Variants in LPAR1 observed in about 807,000 individuals in gnomAD.
LPAR1 encodes the protein lysophosphatidic acid receptor 1.
In LPAR1, 5 loss-of-function variants were observed where a neutral mutation model predicts 23.8. The ratio of observed to expected loss-of-function variants is 0.21; its 90% CI spans 0.11 to 0.44. The LOEUF is 0.44. LPAR1 is among the 20% of genes least tolerant of loss of function. The pLI is 0.99. For missense variants in LPAR1, 311 were observed against 482.8 expected, an observed-to-expected ratio of 0.64 and a Z score of 3.33; for synonymous variants, 160 against 164.7, an observed-to-expected ratio of 0.97 and a Z score of 0.22.
intron 5 of LPAR1, among the ~76,000 whole-genome samples, chr9:110,925,363 A>G (rs1036338092): frequency 4.6e-5 from 7 of 151,948 alleles, no homozygotes; most frequent in African/African-American, 1.7e-4. Context: ...ACCACTTATC[A>G]TTGCTCCCAT....
chr9:110,895,385 C>T (rs1242011117), intron 5 of LPAR1, among the ~76,000 whole-genome samples: 1 of 152,200 alleles, frequency 6.6e-6, no homozygotes, highest in Non-Finnish European at 1.5e-5. Context: ...GGGGCAGACA[C>T]TGGGGCCTGG....
At chr9:110,935,402 C>T (rs529681701) in intron 5 of LPAR1, among the ~76,000 whole-genome samples, 35 of 126,082 alleles carry the variant, frequency 2.8e-4, no homozygotes, top group African/African-American at 1.1e-3. Context: ...AAATCTGGAC[C>T]GACTCCAGCC....
In LPAR1 at chr9:110,907,805, G is replaced by C. The variant is rs537371615; in HGVS notation, c.794-32083C>G. 2.6e-4 allele frequency among the ~76,000 whole-genome samples: 40 copies of C among 152,166 alleles called. No individual in the cohort carries two copies. The South Asian group carries it at 7.9e-3, about 30-fold the overall frequency. The stretch of plus-strand genomic sequence containing the variant: ...AAACAGAAAAAGCAGGAACTACAGA[G>C]AGCATAAGGATGGTAAGGATGGCTT... On this transcript the variant is annotated intron_variant, in intron 5 of 5. Transcript: ENST00000683809.
chr9:110,877,982 C>A (rs759729850), intron 5 of LPAR1, among the ~76,000 whole-genome samples: 1 of 152,150 alleles, frequency 6.6e-6, no homozygotes, highest in African/African-American at 2.4e-5. Context: ...ATAAGCCTTA[C>A]TTTTAGACCA....
At chr9:111,024,710 C>T (rs1186189008) in intron 2 of LPAR1, among the ~76,000 whole-genome samples, 5 of 151,742 alleles carry the variant, frequency 3.3e-5, no homozygotes, top group African/African-American at 1.2e-4. Flanking sequence ...TGTCCCCCAC[C>T]CCCCAACAGG....
chr9:111,029,600 C>G (rs1040354527), intron 2 of LPAR1, among the ~76,000 whole-genome samples: 1 of 152,054 alleles, frequency 6.6e-6, no homozygotes, highest in Non-Finnish European at 1.5e-5. Flanking sequence ...GCTGACTTAC[C>G]CTCTCCATCC....
intron 5 of LPAR1, among the ~76,000 whole-genome samples, chr9:110,910,932 A>T (rs1369065157): frequency 6.6e-6 from 1 of 152,214 alleles, no homozygotes; most frequent in African/African-American, 2.4e-5. Context: ...TGGTCTCTGG[A>T]GATAGAATAT....
At chr9:110,935,650 G>A (rs761315882) in intron 5 of LPAR1, among the ~76,000 whole-genome samples, 11 of 152,162 alleles carry the variant, frequency 7.2e-5, no homozygotes, top group Non-Finnish European at 1.3e-4. Context: ...CAAACAGAGA[G>A]CAGAGCCTTG....
chr9:110,875,388 G>C lies in LPAR1; in HGVS notation c.*33C>G. The C allele has an allele frequency of 6.3e-7, 1 of 1,575,276 alleles. No homozygotes were observed. Among genetic ancestry groups the C allele is most frequent in the Admixed American group, 1.8e-5 (1 of 56,506 alleles). ...GGGGGAGGCTGTTTATCCTCCAAGA[G>C]AGGACGGCTGGTTCCTCATCTCAGT... On this transcript the variant is annotated 3_prime_UTR_variant, in exon 6 of 6. Transcript: ENST00000683809.
rs147832108 is a variant in LPAR1, at chr9:110,993,156, G to C, written c.-181-19598C>G. On this transcript the variant is annotated intron_variant, in intron 2 of 5. Transcript: ENST00000683809. ...TTTTTTTAATATACTTTAAGTTCTA[G>C]GGTACATGTGCACCACGTGCAGGTT... Among the ~76,000 whole-genome samples the C allele has an allele frequency of 5.4e-3, 826 of 152,066 alleles. 12 individuals are homozygous for C. Among genetic ancestry groups the C allele is most frequent in the African/African-American group, 0.019 (785 of 41,470 alleles).
At chr9:110,990,196 GA>G (rs1357820439) in intron 2 of LPAR1, among the ~76,000 whole-genome samples, 6 of 152,124 alleles carry the variant, frequency 3.9e-5, no homozygotes, top group African/African-American at 1.4e-4. Flanking sequence ...TGACAGAACA[GA>G]AAAAATCAGT....
At chr9:110,890,543 G>A (rs1231059534) in intron 5 of LPAR1, among the ~76,000 whole-genome samples, 9 of 152,198 alleles carry the variant, frequency 5.9e-5, no homozygotes, top group African/African-American at 1.7e-4. Flanking sequence ...CTTTGGGGAT[G>A]AAAAGCTTCT....
At chr9:110,888,729 G>A (rs1208564118) in intron 5 of LPAR1, among the ~76,000 whole-genome samples, 3 of 152,142 alleles carry the variant, frequency 2.0e-5, no homozygotes, top group Non-Finnish European at 2.9e-5. Flanking sequence ...AGAAACTCAC[G>A]CAGTAAATCA....
At chr9:110,956,046 A>T (rs1157905568) in intron 4 of LPAR1, among the ~76,000 whole-genome samples, 3 of 152,176 alleles carry the variant, frequency 2.0e-5, no homozygotes, top group African/African-American at 7.2e-5. Context: ...AAAATAATAA[A>T]GATTAGGGCA....
intron 4 of LPAR1, among the ~76,000 whole-genome samples, chr9:110,960,195 A>T (rs1247786342): frequency 1.3e-5 from 2 of 152,194 alleles, no homozygotes; most frequent in East Asian, 3.8e-4. Flanking sequence ...GAACACATGG[A>T]TGTGTTCCCA....
chr9:110,986,476 C>A (rs753763085), intron 2 of LPAR1, among the ~76,000 whole-genome samples: 1 of 151,652 alleles, frequency 6.6e-6, no homozygotes, highest in Non-Finnish European at 1.5e-5. Flanking sequence ...AGGCCAAGGC[C>A]GGAGGATTGC....
At chr9:110,922,248 G>A (rs1035517328) in intron 5 of LPAR1, among the ~76,000 whole-genome samples, 1 of 152,092 alleles carries the variant, frequency 6.6e-6, no homozygotes, top group Non-Finnish European at 1.5e-5. Flanking sequence ...TTTAATTTGA[G>A]GGCAGCTAAC....
intron 5 of LPAR1, among the ~76,000 whole-genome samples, chr9:110,930,929 A>T (rs954111609): frequency 6.6e-6 from 1 of 152,202 alleles, no homozygotes; most frequent in Non-Finnish European, 1.5e-5. Flanking sequence ...AACAAAAAAA[A>T]AGGTGAATAT....
At chr9:110,925,582 A>C (rs77995200) in intron 5 of LPAR1, among the ~76,000 whole-genome samples, 3,384 of 152,298 alleles carry the variant, frequency 0.022, 139 homozygotes, top group African/African-American at 0.075. Context: ...GTACAGGCAG[A>C]GAATGGGAAA....
Sources: gnomAD v4.1 joint callset for allele counts (sites outside exome capture counted in the v4.1 genomes callset) on GRCh38, gnomAD v4.1.1 for gene constraint, MANE v1.5 for transcripts, NCBI Gene and HGNC (gene_info 2026-07-23, HGNC 2026-07-21) for gene names.